The following CEMIP variants were observed in gnomAD, a reference collection of about 807,000 sequenced individuals.
CEMIP encodes cell migration inducing hyaluronidase 1.
A neutral mutation model predicts 156.9 loss-of-function variants in CEMIP; 105 were observed. The observed-to-expected ratio is 0.67, with a 90% CI of 0.57 to 0.79. CEMIP has a LOEUF of 0.79. Ranked by LOEUF, CEMIP falls within the 30% of genes least tolerant of loss-of-function variation. The pLI is 0.00. For missense variants in CEMIP, 1,457 were observed against 1,769.4 expected (o/e 0.82, Z 3.17); for synonymous variants, 676 against 668.4 (o/e 1.01, Z -0.17).
chr15:80,842,040 A>G (rs1306930219), intron 1 of CEMIP: 1 of 516,460 alleles, frequency 1.9e-6, no homozygotes, highest in East Asian at 5.7e-5. Context: ...ACAACTATGG[A>G]TGAGCTCTCA....
intron 1 of CEMIP, among the ~76,000 whole-genome samples, chr15:80,806,172 T>C (rs1240597487): frequency 1.3e-5 from 2 of 152,222 alleles, no homozygotes; most frequent in Admixed American, 6.5e-5. Context: ...CCAACGTATG[T>C]CATGTGATGA....
intron 14 of CEMIP, among the ~76,000 whole-genome samples, chr15:80,915,479 G>A (rs1900235219): frequency 6.6e-6 from 1 of 152,152 alleles, no homozygotes; most frequent in Non-Finnish European, 1.5e-5. Flanking sequence ...TTCCATATGA[G>A]CCCAAATATG....
rs1901138900 is a variant in CEMIP, at chr15:80,936,775, C to T, written c.3111C>T (p.Ser1037=). ...PLYLEGALTR[S]THYQQYQPVV... is the part of the protein sequence containing the mutation. ...ACCTGGAGGGGGCGCTCACCAGGAGCACCCATTACCAGCAATACCAACCGG... is the reference window on the plus strand; with the variant it reads ...ACCTGGAGGGGGCGCTCACCAGGAGTACCCATTACCAGCAATACCAACCGG... Residue 1037 remains serine (S), a synonymous_variant, in exon 24 of 30, where the codon AGC becomes AGT. Transcript: ENST00000394685. 2.5e-6 allele frequency: 4 copies of T among 1,614,166 alleles called. No homozygotes were observed. The highest frequency in any genetic ancestry group is 3.4e-6 in the Non-Finnish European group (4 of 1,179,990).
chr15:80,924,804 T>G, intron 18 of CEMIP, 98 bp downstream of exon 18: 5 of 1,085,558 alleles, frequency 4.6e-6, no homozygotes, highest in Non-Finnish European at 7.0e-6. Flanking sequence ...GAGCATCTGT[T>G]GAGCCCTTGC....
chr15:80,943,949 T>A (rs932866052), intron 28 of CEMIP, among the ~76,000 whole-genome samples: 5 of 152,158 alleles, frequency 3.3e-5, no homozygotes, highest in African/African-American at 1.2e-4. Flanking sequence ...TCTCCCCACA[T>A]CGCCTCCTCG....
chr15:80,949,387 A>G lies in CEMIP; in HGVS notation c.*463A>G. The G allele has an allele frequency of 3.8e-6, 1 of 260,664 alleles. No homozygotes were observed. The highest frequency in any genetic ancestry group is 4.7e-5 in the South Asian group (1 of 21,390). The allele number at this position is 260,664 out of a possible 1,614,324, so 16.1% of individuals were successfully genotyped here. ...GGAGAAAGAGCCTTGGCCTTAAGGA[A>G]ATCTTTACTCCTGTAAGCAAGAGCC... On this transcript the variant is annotated 3_prime_UTR_variant, in exon 30 of 30. Coordinates refer to ENST00000394685, the MANE Select transcript of CEMIP (RefSeq NM_001293298.2).
In CEMIP at chr15:80,951,527, G is replaced by A. The variant is rs1347306569; in HGVS notation, c.*2603G>A. ...ATAGCTGGTCCTTTTTCGGGAGTTA[G>A]ATGTATAGAGTGTTTGTATGTAAAC... is the stretch of plus-strand genomic sequence containing the variant. On this transcript the variant is annotated 3_prime_UTR_variant, in exon 30 of 30. Transcript: ENST00000394685. 6.6e-6 allele frequency: 1 copy of A among 152,652 alleles called. No individual in the cohort carries two copies. Among genetic ancestry groups the A allele is most frequent in the African/African-American group, 2.4e-5 (1 of 41,452 alleles). The allele number at this position is 152,652 out of a possible 1,614,324, so 9.5% of individuals were successfully genotyped here.
In CEMIP at chr15:80,879,868, T is replaced by C; in HGVS notation, c.380+14T>C. 6.2e-7 allele frequency: 1 copy of C among 1,613,952 alleles called. No homozygotes were observed. Among genetic ancestry groups the C allele is most frequent in the Non-Finnish European group, 8.5e-7 (1 of 1,179,944 alleles). On this transcript the variant is annotated intron_variant, in intron 5 of 29. Coordinates refer to ENST00000394685, the MANE Select transcript of CEMIP (RefSeq NM_001293298.2). ...TTTGTATGGAAGGTGCGTAGACCAC[T>C]CCTACAGATCAAATGCTACCCATGG...
intron 1 of CEMIP, among the ~76,000 whole-genome samples, chr15:80,818,714 C>T (rs758955788): frequency 1.1e-4 from 17 of 152,172 alleles, no homozygotes; most frequent in South Asian, 6.2e-4. Flanking sequence ...TGCCAACTCC[C>T]ACTGATTGTT....
Position 80,906,791 on chromosome 15 carries a change from C to T in CEMIP, c.1540C>T (p.His514Tyr). The T allele has an allele frequency of 6.2e-7, 1 of 1,614,154 alleles. No homozygotes were observed. ...MEDKCYPYRN[H>Y]ICNFFDFDTF... Reference sequence around the variant, plus strand: ...GGACAAATGCTACCCCTACAGAAACCACATCTGCAATTTCTTTGACTTCGA... The same window carrying T: ...GGACAAATGCTACCCCTACAGAAACTACATCTGCAATTTCTTTGACTTCGA... The change falls in exon 13 of 30, where the codon CAC becomes TAC. Residue 514 changes from histidine to tyrosine, a missense_variant. Coordinates refer to ENST00000394685, the MANE Select transcript of CEMIP (RefSeq NM_001293298.2). This position sits in a 1 kb window ranked among gnomAD's most constrained non-coding sequence, Gnocchi z 4.3.
chr15:80,854,451 G>C (rs1007011235), intron 1 of CEMIP, among the ~76,000 whole-genome samples: 1 of 152,226 alleles, frequency 6.6e-6, no homozygotes, highest in African/African-American at 2.4e-5. Flanking sequence ...AGCATCTGTA[G>C]GGCAGGGAAC....
At chr15:80,781,041 A>G (rs1039029747) in intron 1 of CEMIP, among the ~76,000 whole-genome samples, 3 of 152,270 alleles carry the variant, frequency 2.0e-5, no homozygotes, top group Non-Finnish European at 4.4e-5. Context: ...TGGCTTTTCT[A>G]TGACACCACG....
In CEMIP at chr15:80,943,064, A is replaced by C. The variant is rs116794418; in HGVS notation, c.3819A>C (p.Pro1273=). 6.2e-7 allele frequency: 1 copy of C among 1,614,208 alleles called. No homozygotes were observed. Among genetic ancestry groups the C allele is most frequent in the Non-Finnish European group, 8.5e-7 (1 of 1,180,042 alleles). ...SFRNSILQGI[P]WQLFNYVATI... ...GGAACTCCATTCTGCAAGGCATACC[A>C]TGGCAGCTTTTCAACTATGTGGCGA... Residue 1273 remains proline (P), a synonymous_variant, in exon 28 of 30, where the codon CCA becomes CCC. Coordinates refer to ENST00000394685, the MANE Select transcript of CEMIP (RefSeq NM_001293298.2).
chr15:80,912,011 TGCTGGGAGAG>T (rs1358468689), intron 14 of CEMIP, among the ~76,000 whole-genome samples: 202 of 143,434 alleles, frequency 1.4e-3, no homozygotes, highest in African/African-American at 4.9e-3. Context: ...AGGCTGTGAT[TGCTGGGAGAG>T]GCTGGGAGAG....
At chr15:80,807,184 G>A (rs894339861) in intron 1 of CEMIP, among the ~76,000 whole-genome samples, 1 of 152,062 alleles carries the variant, frequency 6.6e-6, no homozygotes, top group Non-Finnish European at 1.5e-5. Context: ...TAGGGAAAGG[G>A]GCATTTGAGG....
chr15:80,900,164 C>T (rs936927895), intron 12 of CEMIP, among the ~76,000 whole-genome samples: 4 of 152,140 alleles, frequency 2.6e-5, no homozygotes, highest in South Asian at 2.1e-4. Context: ...GCTGTGGTGC[C>T]GAGGGTGGCC....
chr15:80,906,015 GAT>G lies in CEMIP; in HGVS notation c.1412-646_1412-645del, dbSNP rs1899786533. On this transcript the variant is annotated intron_variant, in intron 12 of 29. Transcript: ENST00000394685. This position sits in a 1 kb window ranked among gnomAD's most constrained non-coding sequence, Gnocchi z 4.3. Reference sequence around the variant, plus strand: ...GCTCTTTCTGGAGCCCCAGGCTGTAGATACACACTCTACATGAGGCTGAGGTA... The same window carrying G: ...GCTCTTTCTGGAGCCCCAGGCTGTAGACACACTCTACATGAGGCTGAGGTA... 6.6e-6 allele frequency among the ~76,000 whole-genome samples: 1 copy of G among 152,250 alleles called. No individual in the cohort carries two copies. The highest frequency in any genetic ancestry group is 1.5e-5 in the Non-Finnish European group (1 of 68,048).
chr15:80,946,103 C>T (rs146719314), intron 28 of CEMIP, among the ~76,000 whole-genome samples: 1,654 of 152,268 alleles, frequency 0.011, 20 homozygotes, highest in Non-Finnish European at 0.014. Flanking sequence ...GTGACGTGAA[C>T]GTAAGAGGTC....
intron 1 of CEMIP, among the ~76,000 whole-genome samples, chr15:80,861,146 T>C (rs549973774): frequency 1.3e-5 from 2 of 152,268 alleles, no homozygotes; most frequent in African/African-American, 4.8e-5. Context: ...TCCTGCCGTG[T>C]CTCAATGCCT....
Sources: gnomAD v4.1 joint callset for allele counts (sites outside exome capture counted in the v4.1 genomes callset) on GRCh38, gnomAD v4.1.1 for gene constraint, Gnocchi (gnomAD v3.1) non-coding constraint, MANE v1.5 for transcripts, NCBI Gene and HGNC (gene_info 2026-07-23, HGNC 2026-07-21) for gene names.